Variants in SPIN1 observed in about 807,000 individuals in gnomAD.
The protein encoded by SPIN1 is spindlin 1, also known as spindlin-1.
SPIN1 carries 3 observed loss-of-function variants against 26.0 expected under a neutral mutation model. The observed-to-expected ratio is 0.12, with a 90% CI of 0.05 to 0.30. The LOEUF (loss-of-function observed/expected upper bound fraction) is 0.30. Among genes scored for constraint, SPIN1 ranks in the 10% least tolerant of loss-of-function variants. The probability of loss-of-function intolerance (pLI) is 1.00; values close to 1 mark genes in which losing one functional copy is unlikely to be tolerated. For missense variants in SPIN1, 126 were observed against 333.4 expected (o/e 0.38, Z 4.84); for synonymous variants, 101 against 116.5 (o/e 0.87, Z 0.86).
At chr9:88,432,122 C>T (rs1827888859) in intron 2 of SPIN1, among the ~76,000 whole-genome samples, 1 of 151,904 alleles carries the variant, frequency 6.6e-6, no homozygotes, top group Non-Finnish European at 1.5e-5. Flanking sequence ...GAAATGCATG[C>T]TACTTGGATG....
At position 88,441,398 on chromosome 9, in the gene SPIN1, C is replaced by CGTGTGTGTGTGTGTGTGTGTGT. The variant is rs60571153; in HGVS notation, c.53-7526_53-7525insTGTGTGTGTGTGTGTGTGTGTG. 2.2e-3 allele frequency among the ~76,000 whole-genome samples: 310 copies of CGTGTGTGTGTGTGTGTGTGTGT among 137,788 alleles called. 7 individuals are homozygous for CGTGTGTGTGTGTGTGTGTGTGT. The highest frequency in any genetic ancestry group is 8.9e-3 in the African/African-American group (276 of 31,018). 90.4% of individuals were successfully genotyped at this position (137,788 alleles called of 152,430 possible). On this transcript the variant is annotated intron_variant, in intron 2 of 5. Coordinates refer to ENST00000375859, the MANE Select transcript of SPIN1 (RefSeq NM_006717.3). ...TGGTTGTATCATCATTGCTGCCATT[C>CGTGTGTGTGTGTGTGTGTGTGT]GTGTGTGTGTGTGTGTGCGCGCGCG...
chr9:88,459,979 A>C (rs188726724), intron 3 of SPIN1, among the ~76,000 whole-genome samples: 24 of 152,226 alleles, frequency 1.6e-4, no homozygotes, highest in Non-Finnish European at 2.8e-4. Flanking sequence ...TCCCTTACAC[A>C]TGATTTGGTC....
chr9:88,451,138 C>A (rs1828344860), intron 3 of SPIN1, among the ~76,000 whole-genome samples: 1 of 152,092 alleles, frequency 6.6e-6, no homozygotes, highest in African/African-American at 2.4e-5. Context: ...CTATAGCATC[C>A]CTCTCCCCTT....
intron 3 of SPIN1, among the ~76,000 whole-genome samples, chr9:88,456,390 C>T (rs1416340011): frequency 6.6e-6 from 1 of 152,146 alleles, no homozygotes; most frequent in Non-Finnish European, 1.5e-5. Flanking sequence ...CACTGAGGAA[C>T]TCTGGTGCCA....
intron 1 of SPIN1, among the ~76,000 whole-genome samples, chr9:88,402,202 A>G (rs1827200817): frequency 6.6e-6 from 1 of 152,060 alleles, no homozygotes; most frequent in Non-Finnish European, 1.5e-5. Flanking sequence ...CATGTTGGCC[A>G]TTCTGGTCTG....
intron 1 of SPIN1, among the ~76,000 whole-genome samples, chr9:88,402,529 T>A (rs566002957): frequency 5.5e-4 from 80 of 146,634 alleles, no homozygotes; most frequent in Non-Finnish European, 4.8e-4. Flanking sequence ...TTTTTTTTTA[T>A]AGCTCCCATG....
Position 88,426,485 on chromosome 9 carries a change from A to G in SPIN1, c.-55A>G. ...TCTGTGAAAAGTTTCAAATTGGAGA[A>G]TATTGAATTTTCACCCTAGTCCAGC... On this transcript the variant is annotated 5_prime_UTR_variant, in exon 2 of 6. Transcript: ENST00000375859. 4.9e-6 allele frequency: 7 copies of G among 1,426,624 alleles called. No individual in the cohort carries two copies. Among genetic ancestry groups the G allele is most frequent in the Non-Finnish European group, 6.9e-6 (7 of 1,018,348 alleles). 88.4% of individuals were successfully genotyped at this position (1,426,624 alleles called of 1,614,324 possible). A position where few individuals can be genotyped will look rare whatever the true frequency, so the allele number is the denominator to read the frequency against.
chr9:88,443,119 C>CAAAAAA (rs769488109), intron 2 of SPIN1, among the ~76,000 whole-genome samples: 1 of 81,394 alleles, frequency 1.2e-5, no homozygotes, highest in African/African-American at 3.5e-5. Context: ...GACTCCATCT[C>CAAAAAA]AAAAAAAAAA....
At chr9:88,453,753 C>T (rs989514330) in intron 3 of SPIN1, among the ~76,000 whole-genome samples, 6 of 152,054 alleles carry the variant, frequency 3.9e-5, no homozygotes, top group East Asian at 1.9e-4. Flanking sequence ...CTCAAACTCC[C>T]GACCTCAGGT....
At chr9:88,459,102 CA>C (rs1299084139) in intron 3 of SPIN1, among the ~76,000 whole-genome samples, 2 of 152,054 alleles carry the variant, frequency 1.3e-5, no homozygotes, top group African/African-American at 2.4e-5. Context: ...GTGTAAATTA[CA>C]AAATGGGACA....
rs368480018 is a variant in SPIN1, at chr9:88,419,740, T to C, written c.-158-6642T>C. Among the ~76,000 whole-genome samples the C allele has an allele frequency of 1.3e-3, 191 of 152,314 alleles. 5 individuals are homozygous for C. The South Asian group carries it at 0.036, about 29-fold the overall frequency. On this transcript the variant is annotated intron_variant, in intron 1 of 5. Coordinates refer to ENST00000375859, the MANE Select transcript of SPIN1 (RefSeq NM_006717.3). ...GTTAAAAAATACTTTGCCATGTTCA[T>C]GTTGAATGGAAATTGTAGGTGGTGC...
At chr9:88,411,691 T>A (rs1483755809) in intron 1 of SPIN1, among the ~76,000 whole-genome samples, 1 of 151,976 alleles carries the variant, frequency 6.6e-6, no homozygotes, top group African/African-American at 2.4e-5. Context: ...TTTTTTAAAT[T>A]TTTAGTAGAG....
At position 88,394,789 on chromosome 9, in the gene SPIN1, T is replaced by G. The variant is rs534626479; in HGVS notation, c.-159+6251T>G. 4.7e-5 allele frequency among the ~76,000 whole-genome samples: 7 copies of G among 148,296 alleles called. No homozygotes were observed. The East Asian group carries it at 1.4e-3, about 29-fold the overall frequency. On this transcript the variant is annotated intron_variant, in intron 1 of 5. Coordinates refer to ENST00000375859, the MANE Select transcript of SPIN1 (RefSeq NM_006717.3). ...TGAAATTCTTCCTTTAAGAATTGCT[T>G]TAGTTTTTTATTTAATGTATTTTTT...
chr9:88,413,773 C>G (rs941310303), intron 1 of SPIN1, among the ~76,000 whole-genome samples: 1 of 152,110 alleles, frequency 6.6e-6, no homozygotes, highest in Non-Finnish European at 1.5e-5. Flanking sequence ...TATTCATCAA[C>G]AAATAATTGT....
chr9:88,404,582 T>G (rs1359195301), intron 1 of SPIN1, among the ~76,000 whole-genome samples: 1 of 152,100 alleles, frequency 6.6e-6, no homozygotes, highest in East Asian at 1.9e-4. Flanking sequence ...TTTTAAAAAT[T>G]TATTACTTTT....
At chr9:88,470,383 G>A (rs1326549479) in intron 5 of SPIN1, among the ~76,000 whole-genome samples, 1 of 152,098 alleles carries the variant, frequency 6.6e-6, no homozygotes, top group African/African-American at 2.4e-5. Flanking sequence ...TCGTTTGGGG[G>A]AACTGCCAGG....
chr9:88,474,924 G>A (rs1469122081), intron 5 of SPIN1, among the ~76,000 whole-genome samples, 154 bp from the exon 6 acceptor site: 6 of 151,766 alleles, frequency 4.0e-5, no homozygotes, highest in Middle Eastern at 3.4e-3. Context: ...TTACGAAAAC[G>A]TTTGCTGACT....
chr9:88,423,083 C>T (rs531741662), intron 1 of SPIN1, among the ~76,000 whole-genome samples: 21 of 152,154 alleles, frequency 1.4e-4, no homozygotes, highest in Non-Finnish European at 1.5e-4. Flanking sequence ...TCCCCCACTG[C>T]GACTCTTCCT....
intron 3 of SPIN1, among the ~76,000 whole-genome samples, chr9:88,453,053 TAGG>T (rs1161301323): frequency 2.0e-5 from 3 of 152,222 alleles, no homozygotes; most frequent in African/African-American, 7.2e-5. Flanking sequence ...TGGTTAGGAA[TAGG>T]AGTTAATTCA....
Sources: gnomAD v4.1 joint callset for allele counts (sites outside exome capture counted in the v4.1 genomes callset) on GRCh38, gnomAD v4.1.1 for gene constraint, MANE v1.5 for transcripts, NCBI Gene and HGNC (gene_info 2026-07-23, HGNC 2026-07-21) for gene names.